The following HEPH variants were observed in gnomAD, a reference collection of about 807,000 sequenced individuals.
The protein encoded by HEPH is hephaestin.
A neutral mutation model predicts 80.8 loss-of-function variants in HEPH; 69 were observed. The ratio of observed to expected loss-of-function variants is 0.85; its 90% CI spans 0.70 to 1.04. The LOEUF is 1.04. HEPH is among the 50% of genes least tolerant of loss of function. The pLI, the probability that HEPH is intolerant of heterozygous loss-of-function variation, is 0.00. For synonymous variants in HEPH, 431 were observed against 322.8 expected (o/e 1.34, Z -3.60); for missense variants, 1,115 against 891.3 (o/e 1.25, Z -3.20).
At chrX:66,260,372 G>A in intron 19 of HEPH, 110 bp downstream of exon 19, 3 of 615,242 alleles carry the variant, frequency 4.9e-6, no homozygotes, top group Non-Finnish European at 7.6e-6. Flanking sequence ...CCCACAATAA[G>A]CAGGTCTTAA....
chrX:66,245,420 G>A (rs1281552339), intron 15 of HEPH, among the ~76,000 whole-genome samples: 1 of 111,868 alleles, frequency 8.9e-6, no homozygotes, highest in Non-Finnish European at 1.9e-5. Context: ...AAGTCAACAA[G>A]AAGAGCTAAC....
chrX:66,162,931 G>C, upstream of HEPH: 1 of 1,062,447 alleles, frequency 9.4e-7, no homozygotes, highest in African/African-American at 1.9e-5. Flanking sequence ...CCTATACCTG[G>C]GTCTGTTGGG....
At chrX:66,206,886 G>A (rs970079461) in intron 13 of HEPH, among the ~76,000 whole-genome samples, 2 of 109,416 alleles carry the variant, frequency 1.8e-5, no homozygotes, top group East Asian at 2.9e-4. Flanking sequence ...GCGTGGTGGC[G>A]CATGCCTGTA....
Position 66,212,016 on chromosome X carries a change from C to A in HEPH, c.2563+3770C>A, listed in dbSNP as rs865824710. 2.8e-5 allele frequency among the ~76,000 whole-genome samples: 3 copies of A among 108,489 alleles called. No homozygotes were observed. In the South Asian group the frequency reaches 1.2e-3, roughly 42 times the overall value. 94.2% of individuals were successfully genotyped at this position (108,489 alleles called of 115,157 possible). On this transcript the variant is annotated intron_variant, in intron 15 of 20. Coordinates refer to ENST00000343002, the MANE Select transcript of HEPH (RefSeq NM_001367233.3). ...GCATCTGTCATTATTATTTTTTTTT[C>A]TTTTTAGTAATAGCCATTCTGACTA...
At chrX:66,222,011 T>C (rs1472239376) in intron 15 of HEPH, among the ~76,000 whole-genome samples, 1 of 112,730 alleles carries the variant, frequency 8.9e-6, no homozygotes, top group African/African-American at 3.2e-5. Flanking sequence ...TGGACTAATG[T>C]ACAAGTGCCA....
intron 7 of HEPH, 50 bp from the exon 8 acceptor site, chrX:66,193,452 C>G: frequency 3.3e-6 from 3 of 897,489 alleles, no homozygotes; most frequent in South Asian, 5.2e-5. Flanking sequence ...AGATGGGAGT[C>G]TATTTGATAC....
At chrX:66,219,793 C>T (rs927771031) in intron 15 of HEPH, among the ~76,000 whole-genome samples, 1 of 111,471 alleles carries the variant, frequency 9.0e-6, no homozygotes, top group Non-Finnish European at 1.9e-5. Context: ...AACACAACTA[C>T]CTGCCCACTG....
chrX:66,257,329 A>G (rs1014972637), intron 17 of HEPH, among the ~76,000 whole-genome samples: 3 of 111,788 alleles, frequency 2.7e-5, no homozygotes, highest in African/African-American at 9.7e-5. Context: ...CTCTTCAGGT[A>G]TAAGTCTACC....
At chrX:66,196,074 T>G (rs985917572) in intron 9 of HEPH, among the ~76,000 whole-genome samples, 2 of 111,620 alleles carry the variant, frequency 1.8e-5, no homozygotes, top group Admixed American at 9.6e-5. Flanking sequence ...CAAATTTTGA[T>G]TGATTCTGCT....
At chrX:66,263,581 G>A in intron 19 of HEPH, 63 bp from the exon 20 acceptor site, 1 of 1,123,465 alleles carries the variant, frequency 8.9e-7, no homozygotes, top group Non-Finnish European at 1.2e-6. Context: ...CTTTCATAGG[G>A]GGCCTATGGA....
rs902244172 is a variant in HEPH at position 66,191,112 on chromosome X, T to C, written c.1064-1018T>C. On this transcript the variant is annotated intron_variant, in intron 6 of 20. Transcript: ENST00000343002. ...GATGATATAAACAAGATAGTAGATA[T>C]AAGAAAATAAAATGAACAATTAAGA... is the stretch of plus-strand genomic sequence containing the variant. Among the ~76,000 whole-genome samples, 10 of 111,836 alleles carry C rather than the reference T, an allele frequency of 8.9e-5. No homozygotes were observed. The Admixed American group carries it at 9.5e-4, about 11-fold the overall frequency.
At chrX:66,176,356 A>G (rs193076161) in intron 4 of HEPH, among the ~76,000 whole-genome samples, 201 of 111,733 alleles carry the variant, frequency 1.8e-3, no homozygotes, top group Admixed American at 4.7e-3. Context: ...CATTCCTTTC[A>G]TATGCATCAA....
chrX:66,225,180 A>G (rs1012343307), intron 15 of HEPH, among the ~76,000 whole-genome samples: 23 of 111,437 alleles, frequency 2.1e-4, no homozygotes, highest in Non-Finnish European at 4.1e-4. Context: ...TATCTTACAA[A>G]AAGTTTTAAC....
intron 15 of HEPH, among the ~76,000 whole-genome samples, chrX:66,231,271 G>T (rs1325295890): frequency 9.2e-6 from 1 of 108,674 alleles, no homozygotes; most frequent in Admixed American, 9.8e-5. Context: ...CTCTTTTTTG[G>T]TTCCATATGA....
At chrX:66,245,354 C>G (rs1296416417) in intron 15 of HEPH, among the ~76,000 whole-genome samples, 1 of 111,193 alleles carries the variant, frequency 9.0e-6, no homozygotes, top group African/African-American at 3.3e-5. Flanking sequence ...AACAGACTTT[C>G]AACCAACAAA....
intron 4 of HEPH, among the ~76,000 whole-genome samples, chrX:66,177,151 G>A (rs1186095648): frequency 2.7e-5 from 3 of 111,529 alleles, no homozygotes; most frequent in African/African-American, 9.8e-5. Flanking sequence ...TCAAAAAGTG[G>A]GCGAAGGATA....
intron 13 of HEPH, among the ~76,000 whole-genome samples, chrX:66,205,273 C>T (rs868520741): frequency 9.8e-5 from 11 of 111,797 alleles, no homozygotes; most frequent in Middle Eastern, 4.6e-3. Flanking sequence ...GCCCTCCACC[C>T]CAATTTCTAT....
chrX:66,189,118 T>C (rs1200573063), intron 5 of HEPH, among the ~76,000 whole-genome samples: 1 of 112,270 alleles, frequency 8.9e-6, no homozygotes, highest in African/African-American at 3.2e-5. Context: ...AGTTTTGTTT[T>C]TGTTTCATTA....
intron 15 of HEPH, among the ~76,000 whole-genome samples, chrX:66,242,703 A>G (rs2090647126): frequency 8.9e-6 from 1 of 112,101 alleles, no homozygotes; most frequent in Admixed American, 9.5e-5. Context: ...AAAGACACGA[A>G]CAGATACTTC....
Sources: gnomAD v4.1 joint callset for allele counts (sites outside exome capture counted in the v4.1 genomes callset) on GRCh38, gnomAD v4.1.1 for gene constraint, MANE v1.5 for transcripts, NCBI Gene and HGNC (gene_info 2026-07-23, HGNC 2026-07-21) for gene names.